FCRLB: variants seen among roughly 807,000 people sequenced by gnomAD.
The protein encoded by FCRLB is Fc receptor-like B.
FCRLB carries 34 observed loss-of-function variants against 33.6 expected under a neutral mutation model. That is an observed-to-expected ratio of 1.01 (90% confidence interval 0.77 to 1.35). The LOEUF (loss-of-function observed/expected upper bound fraction) is 1.35. Among genes scored for constraint, FCRLB ranks in the 40% most tolerant of loss-of-function variants. The probability of loss-of-function intolerance (pLI) is 0.00; values close to 1 mark genes in which losing one functional copy is unlikely to be tolerated. For synonymous variants in FCRLB, 280 were observed against 255.9 expected (o/e 1.09, Z -0.90); for missense variants, 560 against 580.2 (o/e 0.97, Z 0.36).
exon 6 of FCRLB, chr1:161,725,867 G>A: frequency 4.3e-6 from 7 of 1,614,054 alleles, no homozygotes; most frequent in Non-Finnish European, 5.9e-6. Flanking sequence ...TCGAGGGTGA[G>A]CCGCTAGTCC....
chr1:161,725,942 C>T (rs983558345), exon 6 of FCRLB: 4 of 1,614,128 alleles, frequency 2.5e-6, no homozygotes, highest in Non-Finnish European at 3.4e-6. Context: ...ACGGCCAGGC[C>T]GTGCGCTACT....
chr1:161,724,931 A>G (rs537416192), intron 5 of FCRLB, among the ~76,000 whole-genome samples: 7 of 152,278 alleles, frequency 4.6e-5, no homozygotes, highest in African/African-American at 1.4e-4. Context: ...CATGCAGGAC[A>G]AGCAGGTGAA....
intron 5 of FCRLB, 97 bp from the exon 6 acceptor site, chr1:161,725,724 A>G (rs1683518213): frequency 7.3e-7 from 1 of 1,375,908 alleles, no homozygotes; most frequent in South Asian, 1.4e-5. Context: ...AGGGAGGGAG[A>G]GGAGTTAAGA....
At chr1:161,722,457 C>T (rs1020280672) in intron 2 of FCRLB, among the ~76,000 whole-genome samples, 196 bp from the exon 3 acceptor site, 4 of 152,174 alleles carry the variant, frequency 2.6e-5, no homozygotes, top group Non-Finnish European at 5.9e-5. Flanking sequence ...GCTGTAGATG[C>T]GGTAGATGAG....
At chr1:161,725,751 C>T in intron 5 of FCRLB, 70 bp from the exon 6 acceptor site, 1 of 1,523,306 alleles carries the variant, frequency 6.6e-7, no homozygotes, top group Non-Finnish European at 8.8e-7. Context: ...AGCTGGAAGG[C>T]TGTGAGAGTG....
At chr1:161,724,039 T>C (rs997939426) in intron 5 of FCRLB, among the ~76,000 whole-genome samples, 18 of 152,190 alleles carry the variant, frequency 1.2e-4, no homozygotes, top group South Asian at 6.2e-4. Context: ...AGTTGAACAG[T>C]GTGATGCTTC....
At position 161,724,155 on chromosome 1, in the gene FCRLB, G is replaced by T. The variant is rs1464661454; in HGVS notation, c.307+534G>T. ...AATTATGATTTGCTAAAGAAAAAAA[G>T]CAGCAATTGAACTGAGCACTTACTC... On this transcript the variant is annotated intron_variant, in intron 5 of 7. Transcript: ENST00000367948. Among the ~76,000 whole-genome samples, 4 of 152,280 alleles carry T rather than the reference G, an allele frequency of 2.6e-5. No individual in the cohort carries two copies. The East Asian group carries it at 7.7e-4, about 29-fold the overall frequency.
At chr1:161,727,665 G>T (rs1683647983) in exon 8 of FCRLB, 2 of 1,584,916 alleles carry the variant, frequency 1.3e-6, no homozygotes, top group South Asian at 1.1e-5. Context: ...AGAGCTGAGG[G>T]GGCGGCTACC....
At chr1:161,724,487 C>T (rs1389530712) in intron 5 of FCRLB, among the ~76,000 whole-genome samples, 1 of 150,838 alleles carries the variant, frequency 6.6e-6, no homozygotes, top group Non-Finnish European at 1.5e-5. Flanking sequence ...GTCCCAGCTA[C>T]TCAGGAGGCT....
At chr1:161,725,793 T>C (rs1683521045) in intron 5 of FCRLB, 28 bp from the exon 6 acceptor site, 1 of 1,568,810 alleles carries the variant, frequency 6.4e-7, no homozygotes, top group East Asian at 2.3e-5. Context: ...TTCTGTGGAG[T>C]CAAGCGTGTC....
chr1:161,722,753 G>A, intron 3 of FCRLB, 50 bp downstream of exon 3: 1 of 1,609,184 alleles, frequency 6.2e-7, no homozygotes, highest in Non-Finnish European at 8.5e-7. Context: ...GGAGAATAGG[G>A]TGGACCAAGG....
chr1:161,726,159 GA>G lies in FCRLB; in HGVS notation c.574+76del. 1 of 1,608,224 alleles carries G rather than the reference GA, an allele frequency of 6.2e-7. No homozygotes were observed. Among genetic ancestry groups the G allele is most frequent in the Non-Finnish European group, 8.5e-7 (1 of 1,177,144 alleles). ...AAATTCTGGGACAGGAGCTCGGCGAGAAAAGAAGGGGCGGAAGTTCAAATAG... is the reference window on the plus strand; with the variant it reads ...AAATTCTGGGACAGGAGCTCGGCGAGAAAGAAGGGGCGGAAGTTCAAATAG... On this transcript the variant is annotated intron_variant, in intron 6 of 7. Coordinates refer to ENST00000367948, the Ensembl canonical transcript of FCRLB. The surrounding 1 kb of genome is among the most constrained non-coding windows in gnomAD (Gnocchi z 5.2).
chr1:161,722,841 A>T, intron 3 of FCRLB, 138 bp downstream of exon 3: 1 of 1,486,944 alleles, frequency 6.7e-7, no homozygotes, highest in Non-Finnish European at 9.2e-7. Context: ...GTGAAGAAGA[A>T]GGGGCTTTCT....
At chr1:161,723,080 G>T in intron 4 of FCRLB, 71 bp downstream of exon 4, 14 of 1,566,872 alleles carry the variant, frequency 8.9e-6, no homozygotes, top group Non-Finnish European at 1.2e-5. Flanking sequence ...ACCTTTTCAA[G>T]TAGACTCCTC....
At chr1:161,722,909 T>C (rs1035619499) in intron 3 of FCRLB, 80 bp from the exon 4 acceptor site, 52 of 1,596,192 alleles carry the variant, frequency 3.3e-5, no homozygotes, top group Middle Eastern at 3.4e-4. Context: ...CCATTCAGCC[T>C]TTCTTGTCGT....
At chr1:161,723,558 G>A (rs770897621) in exon 5 of FCRLB, 2 of 1,614,204 alleles carry the variant, frequency 1.2e-6, no homozygotes, top group Non-Finnish European at 1.7e-6. Context: ...GACACCAGGG[G>A]TGTATCGATG....
At chr1:161,727,844 A>G in exon 8 of FCRLB, 1 of 659,954 alleles carries the variant, frequency 1.5e-6, no homozygotes, top group South Asian at 2.3e-5. Context: ...AACCGCAAGC[A>G]TTCTCTTTGA....
chr1:161,727,293 C>A, exon 8 of FCRLB: 1 of 1,613,196 alleles, frequency 6.2e-7, no homozygotes, highest in Non-Finnish European at 8.5e-7. Context: ...CTCCATGGGC[C>A]GCAGCCTTGG....
chr1:161,725,786 T>TGTGGAGTCAAGCGTGTCTGTG, intron 5 of FCRLB, 35 bp from the exon 6 acceptor site: 2 of 1,563,976 alleles, frequency 1.3e-6, no homozygotes, highest in Non-Finnish European at 1.7e-6. Context: ...CTGGACTTTC[T>TGTGGAGTCAAGCGTGTCTGTG]GTGGAGTCAA....
Sources: allele counts gnomAD v4.1 joint callset (sites outside exome capture counted in the v4.1 genomes callset), GRCh38; gene constraint gnomAD v4.1.1; non-coding constraint Gnocchi (gnomAD v3.1); transcripts MANE v1.5; gene names NCBI Gene and HGNC (gene_info 2026-07-23, HGNC 2026-07-21).